Variants in SBF2 observed in about 807,000 individuals in gnomAD.
The protein encoded by SBF2 is myotubularin-related protein 13.
A neutral mutation model predicts 225.2 loss-of-function variants in SBF2; 112 were observed. The ratio of observed to expected loss-of-function variants is 0.50; its 90% CI spans 0.43 to 0.58. SBF2 has a LOEUF of 0.58. Ranked by LOEUF, SBF2 falls within the 20% of genes least tolerant of loss-of-function variation. The pLI, the probability that SBF2 is intolerant of heterozygous loss-of-function variation, is 0.00. For synonymous variants in SBF2, 763 were observed against 773.3 expected (o/e 0.99, Z 0.22); for missense variants, 1,996 against 2,206.2 (o/e 0.90, Z 1.91).
At chr11:10,068,687 C>A (rs540118068) in intron 2 of SBF2, among the ~76,000 whole-genome samples, 2 of 152,094 alleles carry the variant, frequency 1.3e-5, no homozygotes, top group East Asian at 1.9e-4. Context: ...TAAATAGTAG[C>A]TATTGTATTA....
intron 1 of SBF2, among the ~76,000 whole-genome samples, chr11:10,257,817 T>C (rs185087823): frequency 1.8e-3 from 268 of 151,506 alleles, no homozygotes; most frequent in Non-Finnish European, 2.9e-3. Context: ...GGCAACATGG[T>C]GAAACTCTGT....
chr11:10,001,925 A>T (rs1422375277), intron 7 of SBF2, among the ~76,000 whole-genome samples: 3 of 152,176 alleles, frequency 2.0e-5, no homozygotes, highest in Non-Finnish European at 4.4e-5. Context: ...TAAACAGTAT[A>T]TTAGAGGTAT....
intron 2 of SBF2, among the ~76,000 whole-genome samples, chr11:10,097,496 A>T (rs1360701450): frequency 1.3e-5 from 2 of 152,222 alleles, no homozygotes; most frequent in African/African-American, 4.8e-5. Context: ...AACAAAATTA[A>T]CAAAATTTAA....
At chr11:9,977,311 C>T (rs1946740618) in intron 13 of SBF2, among the ~76,000 whole-genome samples, 1 of 151,840 alleles carries the variant, frequency 6.6e-6, no homozygotes, top group Non-Finnish European at 1.5e-5. Context: ...TAGTGAGACC[C>T]TATCTCTACA....
chr11:10,006,723 C>A (rs1284291592), intron 6 of SBF2, among the ~76,000 whole-genome samples: 2 of 152,228 alleles, frequency 1.3e-5, no homozygotes, highest in Non-Finnish European at 2.9e-5. Flanking sequence ...CTTCCTCCCA[C>A]TTCCTCCTGG....
At chr11:10,216,404 C>T (rs566934014) in intron 1 of SBF2, among the ~76,000 whole-genome samples, 3 of 152,286 alleles carry the variant, frequency 2.0e-5, no homozygotes, top group African/African-American at 4.8e-5. Flanking sequence ...AAGATGATAG[C>T]GATAGCTTCT....
upstream of SBF2, chr11:10,294,277 C>A (rs961417039): frequency 2.6e-6 from 1 of 377,752 alleles, no homozygotes; most frequent in African/African-American, 2.1e-5. Context: ...GCTGGCTCGG[C>A]TGCCCCAAGC....
intron 35 of SBF2, 91 bp downstream of exon 35, chr11:9,789,018 G>A: frequency 1.9e-6 from 2 of 1,059,720 alleles, no homozygotes. Context: ...AGTAAGGAGA[G>A]CCATGTTCAG....
At position 10,189,290 on chromosome 11, in the gene SBF2, G is replaced by T. The variant is rs60974477; in HGVS notation, c.141+4612C>A. On this transcript the variant is annotated intron_variant, in intron 2 of 39. Transcript: ENST00000256190. Reference sequence around the variant, plus strand: ...ATAACTCCTGCCTTTTAAAATGTTTGTGAACCCTGATTCTGTCATCTCATT... The same window carrying T: ...ATAACTCCTGCCTTTTAAAATGTTTTTGAACCCTGATTCTGTCATCTCATT... Among the ~76,000 whole-genome samples, 1,293 of 152,056 alleles carry T rather than the reference G, an allele frequency of 8.5e-3. 28 individuals carry two copies. The highest frequency in any genetic ancestry group is 0.029 in the African/African-American group (1,206 of 41,466).
At chr11:10,086,059 G>A (rs1034195126) in intron 2 of SBF2, among the ~76,000 whole-genome samples, 2 of 146,946 alleles carry the variant, frequency 1.4e-5, no homozygotes, top group Non-Finnish European at 3.0e-5. Flanking sequence ...GCACGTGTGT[G>A]TGTTCTAACC....
At position 9,856,656 on chromosome 11, in the gene SBF2, C is replaced by T. The variant is rs768079951; in HGVS notation, c.2165G>A (p.Arg722His). Residue 722 changes from arginine to histidine, a missense_variant, in exon 19 of 40, where the codon CGC (arginine) becomes CAC (histidine). Transcript: ENST00000256190. ...TAMDLAAEQLRLWPTLSKSTQ... is the reference protein window; with the variant it reads ...TAMDLAAEQLHLWPTLSKSTQ... ...TGACTTGCTCAGGGTAGGCCAAAGG[C>T]GTAGTTGCTCAGCTGCCAGGTCCAT... The T allele has an allele frequency of 6.2e-6, 10 of 1,613,988 alleles. No individual in the cohort carries two copies. Among genetic ancestry groups the T allele is most frequent in the African/African-American group, 2.7e-5 (2 of 74,880 alleles).
intron 17 of SBF2, among the ~76,000 whole-genome samples, chr11:9,890,549 T>A (rs1860717666): frequency 6.6e-6 from 1 of 152,158 alleles, no homozygotes; most frequent in Non-Finnish European, 1.5e-5. Flanking sequence ...ATGTGGAGGA[T>A]CTTTAGAATC....
intron 2 of SBF2, among the ~76,000 whole-genome samples, chr11:10,109,550 G>A (rs956232726): frequency 1.3e-5 from 2 of 152,216 alleles, no homozygotes; most frequent in African/African-American, 4.8e-5. Context: ...CTGGGAGGCT[G>A]AGGGAGGCAC....
At chr11:10,201,731 C>G (rs1341788340) in intron 1 of SBF2, among the ~76,000 whole-genome samples, 1 of 152,202 alleles carries the variant, frequency 6.6e-6, no homozygotes, top group Non-Finnish European at 1.5e-5. Context: ...TTTACTGACT[C>G]ACGCCTGTAA....
chr11:10,177,923 C>T (rs1465917298), intron 2 of SBF2, among the ~76,000 whole-genome samples: 8 of 149,700 alleles, frequency 5.3e-5, no homozygotes, highest in East Asian at 2.1e-4. Flanking sequence ...GGAGGCATCA[C>T]ACTACCTGAC....
At chr11:10,070,299 T>C (rs1203402223) in intron 2 of SBF2, among the ~76,000 whole-genome samples, 1 of 152,254 alleles carries the variant, frequency 6.6e-6, no homozygotes, top group Admixed American at 6.5e-5. Flanking sequence ...ATGTCTAACA[T>C]TTAAGTCTTT....
At position 10,042,957 on chromosome 11, in the gene SBF2, G is replaced by A. The variant is rs745694318; in HGVS notation, c.166C>T (p.Leu56=). 1 of 1,613,788 alleles carries A rather than the reference G, an allele frequency of 6.2e-7. No individual in the cohort carries two copies. Among genetic ancestry groups the A allele is most frequent in the South Asian group, 1.1e-5 (1 of 91,056 alleles). ...GTTGGCTGCTTCCTCTCTCTGGACA[G>A]CTGCCACCCGCCAGGCTGACAAAAC... ...ELFCQPGGWQ[L]SRERKQPTFF... The change falls in exon 3 of 40, where the codon CTG becomes TTG. Residue 56 remains leucine (L), a synonymous_variant. Coordinates refer to ENST00000256190, the MANE Select transcript of SBF2 (RefSeq NM_030962.4).
intron 17 of SBF2, among the ~76,000 whole-genome samples, chr11:9,877,129 C>T (rs77979942): frequency 8.0e-4 from 122 of 152,232 alleles, no homozygotes; most frequent in African/African-American, 2.8e-3. Flanking sequence ...TGCTGAAATG[C>T]TATGCTACAA....
rs553943796 is a variant in SBF2 at position 10,088,436 on chromosome 11, G to GGAAC, written c.142-45459_142-45456dup. 2.2e-4 allele frequency among the ~76,000 whole-genome samples: 33 copies of GGAAC among 152,230 alleles called. No individual in the cohort carries two copies. The South Asian group carries it at 6.6e-3, about 31-fold the overall frequency. On this transcript the variant is annotated intron_variant, in intron 2 of 39. Coordinates refer to ENST00000256190, the MANE Select transcript of SBF2 (RefSeq NM_030962.4). ...TTCATCTGTTTATTATTGCTATAAA[G>GGAAC]GAACACCTGAGGGTAGGCAATTTAT...
Sources: allele counts gnomAD v4.1 joint callset (sites outside exome capture counted in the v4.1 genomes callset), GRCh38; gene constraint gnomAD v4.1.1; transcripts MANE v1.5; gene names NCBI Gene and HGNC (gene_info 2026-07-23, HGNC 2026-07-21).